FBXL7: variants seen among roughly 807,000 people sequenced by gnomAD.
FBXL7 encodes F-box/LRR-repeat protein 7.
In FBXL7, 12 loss-of-function variants were observed where a neutral mutation model predicts 38.3. That is an observed-to-expected ratio of 0.31 (90% CI 0.20 to 0.51). The LOEUF (loss-of-function observed/expected upper bound fraction) is 0.51, where lower values mean the gene tolerates loss of function less well. FBXL7 is among the 20% of genes least tolerant of loss of function. The probability of loss-of-function intolerance (pLI) is 0.98; values close to 1 mark genes in which losing one functional copy is unlikely to be tolerated. For synonymous variants in FBXL7, 297 were observed against 300.9 expected (o/e 0.99, Z 0.13); for missense variants, 567 against 676.4 (o/e 0.84, Z 1.79).
intron 2 of FBXL7, among the ~76,000 whole-genome samples, chr5:15,694,647 TTCTGTCATTTTGACACC>T (rs58745284): frequency 0.057 from 8,744 of 152,248 alleles, 258 homozygotes; most frequent in East Asian, 0.081. Context: ...ATATAAGCTA[TTCTGTCATTTTGACACC>T]TCTGTCATTT....
At chr5:15,777,768 G>C (rs1328539628) in intron 2 of FBXL7, among the ~76,000 whole-genome samples, 3 of 131,418 alleles carry the variant, frequency 2.3e-5, no homozygotes, top group African/African-American at 8.7e-5. Flanking sequence ...TTCCAAGGTT[G>C]AATAACTTTT....
intron 2 of FBXL7, among the ~76,000 whole-genome samples, chr5:15,808,017 T>C (rs577315608): frequency 3.3e-4 from 50 of 152,286 alleles, no homozygotes; most frequent in African/African-American, 1.1e-3. Flanking sequence ...TCTTCCCCCG[T>C]GACCGTAGAC....
intron 1 of FBXL7, among the ~76,000 whole-genome samples, chr5:15,556,811 T>C (rs1338396994): frequency 1.3e-5 from 2 of 152,240 alleles, no homozygotes; most frequent in African/African-American, 4.8e-5. Flanking sequence ...TTTATTAACC[T>C]GGTTTTGGAA....
At chr5:15,710,455 C>T (rs1743825803) in intron 2 of FBXL7, among the ~76,000 whole-genome samples, 1 of 152,174 alleles carries the variant, frequency 6.6e-6, no homozygotes, top group Non-Finnish European at 1.5e-5. Flanking sequence ...GCGAGACCTT[C>T]CAAGGCCACA....
At chr5:15,725,969 A>T (rs927249528) in intron 2 of FBXL7, among the ~76,000 whole-genome samples, 4 of 152,162 alleles carry the variant, frequency 2.6e-5, no homozygotes, top group African/African-American at 9.7e-5. Context: ...AGGGTATTCA[A>T]GTCTGCAACT....
chr5:15,524,306 T>A (rs938763064), intron 1 of FBXL7, among the ~76,000 whole-genome samples: 1 of 152,170 alleles, frequency 6.6e-6, no homozygotes, highest in Non-Finnish European at 1.5e-5. Context: ...AGGTATACTT[T>A]AAAGGAATGG....
At chr5:15,838,046 C>G (rs1738637931) in intron 2 of FBXL7, among the ~76,000 whole-genome samples, 2 of 152,118 alleles carry the variant, frequency 1.3e-5, no homozygotes, top group Non-Finnish European at 2.9e-5. Flanking sequence ...AGCAAGAGGA[C>G]TGTTGTCTGG....
At chr5:15,764,904 C>T (rs1459430957) in intron 2 of FBXL7, among the ~76,000 whole-genome samples, 1 of 152,058 alleles carries the variant, frequency 6.6e-6, no homozygotes, top group Non-Finnish European at 1.5e-5. Flanking sequence ...TCTTTGGAAG[C>T]CAAGAGGCAA....
chr5:15,894,832 C>A (rs1304133279), intron 2 of FBXL7, among the ~76,000 whole-genome samples: 1 of 152,054 alleles, frequency 6.6e-6, no homozygotes, highest in African/African-American at 2.4e-5. Flanking sequence ...TGCCATCAGG[C>A]CTAGAGAGAA....
chr5:15,683,013 T>C (rs995894237), intron 2 of FBXL7, among the ~76,000 whole-genome samples: 1 of 152,186 alleles, frequency 6.6e-6, no homozygotes, highest in Admixed American at 6.5e-5. Flanking sequence ...TCCCCTGTAA[T>C]GTTTACAAAA....
At chr5:15,716,162 A>G (rs964724238) in intron 2 of FBXL7, among the ~76,000 whole-genome samples, 3 of 152,188 alleles carry the variant, frequency 2.0e-5, no homozygotes, top group South Asian at 2.1e-4. Context: ...AGCTTTCAGG[A>G]TTGCTAACGC....
chr5:15,747,880 A>G (rs1736055375), intron 2 of FBXL7, among the ~76,000 whole-genome samples: 1 of 152,148 alleles, frequency 6.6e-6, no homozygotes, highest in African/African-American at 2.4e-5. Flanking sequence ...AACTTGGACT[A>G]TTGCCCAGCT....
chr5:15,598,944 C>T (rs1009005545), intron 1 of FBXL7, among the ~76,000 whole-genome samples: 1 of 152,162 alleles, frequency 6.6e-6, no homozygotes, highest in African/African-American at 2.4e-5. Context: ...GCAATTGCTG[C>T]ATTCAGTGTA....
chr5:15,851,966 T>C (rs562207099), intron 2 of FBXL7, among the ~76,000 whole-genome samples: 1 of 152,172 alleles, frequency 6.6e-6, no homozygotes, highest in African/African-American at 2.4e-5. Flanking sequence ...TAAAATATAA[T>C]AAAGGTATAT....
rs182857026 is a variant in FBXL7 at position 15,570,087 on chromosome 5, G to A, written c.38-45896G>A. Among the ~76,000 whole-genome samples the A allele has an allele frequency of 3.7e-3, 566 of 152,280 alleles. 6 individuals carry two copies. The highest frequency in any genetic ancestry group is 0.013 in the African/African-American group (535 of 41,554). ...GTGTCTCTGCCAGGCTTTGGTATCA[G>A]GATGGTGCTGGCCTCATAAAATGAG... is the stretch of plus-strand genomic sequence containing the variant. On this transcript the variant is annotated intron_variant, in intron 1 of 3. Transcript: ENST00000504595.
At chr5:15,692,783 A>G (rs936700326) in intron 2 of FBXL7, among the ~76,000 whole-genome samples, 1 of 152,186 alleles carries the variant, frequency 6.6e-6, no homozygotes, top group Non-Finnish European at 1.5e-5. Flanking sequence ...TGGTGCCTAC[A>G]TGAAGTCTGC....
chr5:15,675,098 T>C (rs753178821), intron 2 of FBXL7, among the ~76,000 whole-genome samples: 1 of 152,198 alleles, frequency 6.6e-6, no homozygotes, highest in Non-Finnish European at 1.5e-5. Context: ...AGATGAATAA[T>C]GTATCAGTTG....
intron 2 of FBXL7, among the ~76,000 whole-genome samples, chr5:15,879,739 A>G (rs1407411007): frequency 6.6e-6 from 1 of 152,154 alleles, no homozygotes; most frequent in Non-Finnish European, 1.5e-5. Context: ...TATTGTTAGC[A>G]TGTACTGTGA....
chr5:15,671,086 A>G (rs1300833721), intron 2 of FBXL7, among the ~76,000 whole-genome samples: 1 of 152,188 alleles, frequency 6.6e-6, no homozygotes, highest in Non-Finnish European at 1.5e-5. Flanking sequence ...AGAGTGGTGC[A>G]TGCTGCGTTC....
Sources: gnomAD v4.1 joint callset for allele counts (sites outside exome capture counted in the v4.1 genomes callset) on GRCh38, gnomAD v4.1.1 for gene constraint, MANE v1.5 for transcripts, NCBI Gene and HGNC (gene_info 2026-07-23, HGNC 2026-07-21) for gene names.